Variants in UFM1 observed in about 807,000 individuals in gnomAD.
UFM1 encodes the protein ubiquitin fold modifier 1.
In UFM1, 9 loss-of-function variants were observed where a neutral mutation model predicts 15.4. That is an observed-to-expected ratio of 0.59 (90% confidence interval 0.35 to 1.02). UFM1 has a LOEUF of 1.02. Ranked by LOEUF, UFM1 falls within the 50% of genes least tolerant of loss-of-function variation. The probability of loss-of-function intolerance (pLI) is 0.02; values close to 1 mark genes in which losing one functional copy is unlikely to be tolerated. For missense variants in UFM1, 98 were observed against 104.7 expected (o/e 0.94, Z 0.28); for synonymous variants, 27 against 36.3 (o/e 0.74, Z 0.92).
chr13:38,360,012 A>T, intron 5 of UFM1: 1 of 362,202 alleles, frequency 2.8e-6, no homozygotes. Context: ...GTATTTCTTT[A>T]TTGTAACAAA....
In UFM1 at chr13:38,362,028, C is replaced by T. The variant is rs1261177399; in HGVS notation, c.*1250C>T. 6.6e-6 allele frequency: 1 copy of T among 152,166 alleles called. No individual in the cohort carries two copies. The highest frequency in any genetic ancestry group is 2.4e-5 in the African/African-American group (1 of 41,436). 9.4% of individuals were successfully genotyped at this position (152,166 alleles called of 1,614,324 possible). On this transcript the variant is annotated 3_prime_UTR_variant, in exon 6 of 6. Coordinates refer to ENST00000239878, the MANE Select transcript of UFM1 (RefSeq NM_016617.4). ...TGTGTAAGGGAAGATTTTATTTGCCCTTCCGGAAGAAATCAGTATCTATGC... is the reference window on the plus strand; with the variant it reads ...TGTGTAAGGGAAGATTTTATTTGCCTTTCCGGAAGAAATCAGTATCTATGC...
At chr13:38,358,205 A>G in intron 4 of UFM1, 73 bp downstream of exon 4, 1 of 977,972 alleles carries the variant, frequency 1.0e-6, no homozygotes, top group South Asian at 2.1e-5. Context: ...AAATTAATTA[A>G]AATTAAATAC....
Position 38,360,705 on chromosome 13 carries a change from G to C in UFM1, c.191-6G>C, listed in dbSNP as rs752876371. Reference sequence around the variant, plus strand: ...ATCTAACTTTATGTTTTGTTTGTTTGTATAGGAAATGTTTTTCTAAAACAT... The same window carrying C: ...ATCTAACTTTATGTTTTGTTTGTTTCTATAGGAAATGTTTTTCTAAAACAT... On this transcript the variant is annotated splice_polypyrimidine_tract_variant and splice_region_variant and intron_variant, in intron 5 of 5. Transcript: ENST00000239878. The C allele has an allele frequency of 1.3e-6, 2 of 1,597,164 alleles. No individual in the cohort carries two copies.
In UFM1 at chr13:38,362,439, G is replaced by A. The variant is rs1334230973; in HGVS notation, c.*1661G>A. 1 of 149,096 alleles carries A rather than the reference G, an allele frequency of 6.7e-6. No homozygotes were observed. 9.2% of individuals were successfully genotyped at this position (149,096 alleles called of 1,614,324 possible). A position where few individuals can be genotyped will look rare whatever the true frequency, so the allele number is the denominator to read the frequency against. On this transcript the variant is annotated 3_prime_UTR_variant, in exon 6 of 6. Coordinates refer to ENST00000239878, the MANE Select transcript of UFM1 (RefSeq NM_016617.4). ...TGAGGTGAAAAAATCTGATGTTTGAGGAAGTTTTTATTTTTATTTATTTGT... is the reference window on the plus strand; with the variant it reads ...TGAGGTGAAAAAATCTGATGTTTGAAGAAGTTTTTATTTTTATTTATTTGT...
At chr13:38,354,151 T>C (rs1878983474) in intron 2 of UFM1, 88 bp from the exon 3 acceptor site, 3 of 1,191,242 alleles carry the variant, frequency 2.5e-6, no homozygotes, top group South Asian at 3.0e-5. Context: ...TTTGTCCAGA[T>C]TGGCTACAGT....
In UFM1 at chr13:38,361,839, T is replaced by C. The variant is rs935192317; in HGVS notation, c.*1061T>C. ...AAGTGTTACAGAAAAGCGGACTGGA[T>C]AGACAAAACTGCAGAAGGTGTATGT... On this transcript the variant is annotated 3_prime_UTR_variant, in exon 6 of 6. Coordinates refer to ENST00000239878, the MANE Select transcript of UFM1 (RefSeq NM_016617.4). 6.6e-6 allele frequency: 1 copy of C among 152,234 alleles called. No homozygotes were observed. Among genetic ancestry groups the C allele is most frequent in the Non-Finnish European group, 1.5e-5 (1 of 68,108 alleles). The allele number at this position is 152,234 out of a possible 1,614,324, so 9.4% of individuals were successfully genotyped here.
chr13:38,362,934 G>A lies in UFM1; in HGVS notation c.*2156G>A, dbSNP rs1246672462. 6.6e-6 allele frequency: 1 copy of A among 152,094 alleles called. No homozygotes were observed. Among genetic ancestry groups the A allele is most frequent in the Admixed American group, 6.5e-5 (1 of 15,284 alleles). 9.4% of individuals were successfully genotyped at this position (152,094 alleles called of 1,614,324 possible). On this transcript the variant is annotated 3_prime_UTR_variant, in exon 6 of 6. Transcript: ENST00000239878. ...TTTGTGCAGAATGATTTGAAGTATT[G>A]TATTCAGTTTACATGCGTTATTGGT...
chr13:38,356,374 T>C (rs1879096060), intron 3 of UFM1, among the ~76,000 whole-genome samples: 2 of 151,828 alleles, frequency 1.3e-5, no homozygotes, highest in South Asian at 4.1e-4. Flanking sequence ...CAAATTCTTA[T>C]TGAGATTACA....
At position 38,355,843 on chromosome 13, in the gene UFM1, T is replaced by A. The variant is rs1274478969; in HGVS notation, c.117+1547T>A. 5.3e-5 allele frequency among the ~76,000 whole-genome samples: 8 copies of A among 151,922 alleles called. No individual in the cohort carries two copies. In the East Asian group the frequency reaches 1.5e-3, roughly 29 times the overall value. ...TTCACAAGATAACATTGTAGAATCA[T>A]TCAGTGAGAACAAAAGTTGACTCAA... is the stretch of plus-strand genomic sequence containing the variant. On this transcript the variant is annotated intron_variant, in intron 3 of 5. Transcript: ENST00000239878.
chr13:38,350,230 C>G (rs747984923), intron 2 of UFM1, 175 bp downstream of exon 2: 3 of 1,606,220 alleles, frequency 1.9e-6, no homozygotes, highest in Admixed American at 1.7e-5. Context: ...GAGGAGAGGT[C>G]CGTACTTGCT....
intron 3 of UFM1, among the ~76,000 whole-genome samples, chr13:38,357,055 G>A (rs1879133048): frequency 6.6e-6 from 1 of 151,862 alleles, no homozygotes; most frequent in African/African-American, 2.4e-5. Context: ...TAGATCAGGG[G>A]AGGCTTGCTA....
In UFM1 at chr13:38,358,057, G is replaced by GTA. The variant is rs771331361; in HGVS notation, c.118-22_118-21dup. 8.1e-3 allele frequency: 4,254 copies of GTA among 527,478 alleles called. 145 individuals are homozygous for GTA. The African/African-American group carries it at 0.099, about 12-fold the overall frequency. The allele number at this position is 527,478 out of a possible 1,614,324, so 32.7% of individuals were successfully genotyped here. A position where few individuals can be genotyped will look rare whatever the true frequency, so the allele number is the denominator to read the frequency against. On this transcript the variant is annotated intron_variant, in intron 3 of 5. Coordinates refer to ENST00000239878, the MANE Select transcript of UFM1 (RefSeq NM_016617.4). The stretch of plus-strand genomic sequence containing the variant: ...TAGTTTTGTGTGTGTGTGTGTGTGT[G>GTA]TATATATATATATATTTTTTTTTCC...
chr13:38,354,333 G>A lies in UFM1; in HGVS notation c.117+37G>A, dbSNP rs190302933. ...AGTTGGAACAACCTTTATGGAATGC[G>A]GTTTGCCAATATGCTTCAAATGTCT... On this transcript the variant is annotated intron_variant, in intron 3 of 5. Transcript: ENST00000239878. 1.1e-3 allele frequency: 1,698 copies of A among 1,580,688 alleles called. 5 individuals are homozygous for A. The highest frequency in any genetic ancestry group is 9.4e-4 in the Admixed American group (55 of 58,434).
At chr13:38,351,834 C>G (rs1201405298) in intron 2 of UFM1, among the ~76,000 whole-genome samples, 1 of 151,936 alleles carries the variant, frequency 6.6e-6, no homozygotes, top group Non-Finnish European at 1.5e-5. Context: ...TGTATGTGTG[C>G]GTGTGTAGTT....
At chr13:38,357,144 A>G (rs1384288216) in intron 3 of UFM1, among the ~76,000 whole-genome samples, 1 of 151,972 alleles carries the variant, frequency 6.6e-6, no homozygotes, top group Admixed American at 6.6e-5. Flanking sequence ...TAATGACATA[A>G]TTGGACTATT....
rs577392065 is a variant in UFM1, at chr13:38,357,458, C to T, written c.118-635C>T. 4.8e-4 allele frequency among the ~76,000 whole-genome samples: 72 copies of T among 150,712 alleles called. 2 individuals carry two copies. The South Asian group carries it at 0.015, about 31-fold the overall frequency. Reference sequence around the variant, plus strand: ...TTTGTAATGTATAATATAAGGTACACTTTTATAATTAATGGTGTCCTAAAT... The same window carrying T: ...TTTGTAATGTATAATATAAGGTACATTTTTATAATTAATGGTGTCCTAAAT... On this transcript the variant is annotated intron_variant, in intron 3 of 5. Transcript: ENST00000239878.
intron 5 of UFM1, 105 bp downstream of exon 5, chr13:38,359,438 G>A (rs1007213587): frequency 2.3e-6 from 3 of 1,318,974 alleles, no homozygotes; most frequent in African/African-American, 2.9e-5. Context: ...TTAACATAAT[G>A]GAGCTGTTTT....
rs1879397733 is a variant in UFM1, at chr13:38,361,726, G to C, written c.*948G>C. On this transcript the variant is annotated 3_prime_UTR_variant, in exon 6 of 6. Coordinates refer to ENST00000239878, the MANE Select transcript of UFM1 (RefSeq NM_016617.4). Reference sequence around the variant, plus strand: ...CCCATGTGAATAAGAAGCCAGGAAAGGAAAGATGGGGAAGCCCAGATCACC... The same window carrying C: ...CCCATGTGAATAAGAAGCCAGGAAACGAAAGATGGGGAAGCCCAGATCACC... 6.6e-6 allele frequency: 1 copy of C among 152,228 alleles called. No individual in the cohort carries two copies. The highest frequency in any genetic ancestry group is 1.5e-5 in the Non-Finnish European group (1 of 68,080). The allele number at this position is 152,228 out of a possible 1,614,324, so 9.4% of individuals were successfully genotyped here.
In UFM1 at chr13:38,361,814, A is replaced by G. The variant is rs1351363908; in HGVS notation, c.*1036A>G. The G allele has an allele frequency of 6.6e-6, 1 of 152,392 alleles. No individual in the cohort carries two copies. Among genetic ancestry groups the G allele is most frequent in the Non-Finnish European group, 1.5e-5 (1 of 68,166 alleles). 9.4% of individuals were successfully genotyped at this position (152,392 alleles called of 1,614,324 possible). ...TGAAGGGGAACAGAAGGGGGTAGCA[A>G]AGTGTTACAGAAAAGCGGACTGGAT... is the stretch of plus-strand genomic sequence containing the variant. On this transcript the variant is annotated 3_prime_UTR_variant, in exon 6 of 6. Coordinates refer to ENST00000239878, the MANE Select transcript of UFM1 (RefSeq NM_016617.4).
Sources: allele counts gnomAD v4.1 joint callset (sites outside exome capture counted in the v4.1 genomes callset), GRCh38; gene constraint gnomAD v4.1.1; transcripts MANE v1.5; gene names NCBI Gene and HGNC (gene_info 2026-07-23, HGNC 2026-07-21).